OPCML: variants seen among roughly 807,000 people sequenced by gnomAD.
The protein encoded by OPCML is opioid-binding protein/cell adhesion molecule.
OPCML carries 13 observed loss-of-function variants against 37.8 expected under a neutral mutation model. The ratio of observed to expected loss-of-function variants is 0.34; its 90% CI spans 0.22 to 0.55. The LOEUF is 0.55. Among genes scored for constraint, OPCML ranks in the 20% least tolerant of loss-of-function variants. The pLI is 0.91. For missense variants in OPCML, 341 were observed against 435.6 expected (o/e 0.78, Z 1.93); for synonymous variants, 176 against 168.8 (o/e 1.04, Z -0.33).
intron 2 of OPCML, among the ~76,000 whole-genome samples, chr11:132,852,727 T>G (rs1941868449): frequency 6.6e-6 from 1 of 152,144 alleles, no homozygotes; most frequent in African/African-American, 2.4e-5. Flanking sequence ...ATATCTTGAC[T>G]CCTGAGTACA....
intron 1 of OPCML, among the ~76,000 whole-genome samples, chr11:133,354,321 G>GTGATAGTGATGA (rs1240901623): frequency 3.1e-5 from 1 of 32,774 alleles, no homozygotes; most frequent in African/African-American, 1.1e-4. Flanking sequence ...GGTAGTGGTG[G>GTGATAGTGATGA]TGGTGGTGAT....
At chr11:133,148,434 T>A (rs1433079551) in intron 1 of OPCML, among the ~76,000 whole-genome samples, 3 of 152,224 alleles carry the variant, frequency 2.0e-5, no homozygotes, top group Non-Finnish European at 4.4e-5. Context: ...ATGGAAATGA[T>A]GGCTCCAACC....
Position 133,006,578 on chromosome 11 carries a change from T to G in OPCML, c.62-63568A>C, listed in dbSNP as rs139288254. 1.1e-4 allele frequency: 108 copies of G among 985,438 alleles called. 1 individual carries two copies. In the East Asian group the frequency reaches 8.9e-3, roughly 81 times the overall value. 61.0% of individuals were successfully genotyped at this position (985,438 alleles called of 1,614,324 possible). ...CACAAATTTTGCTATAGGGTGCTGTTGAAAGTTGAAAGTCGCTGGCCGAAC... is the reference window on the plus strand; with the variant it reads ...CACAAATTTTGCTATAGGGTGCTGTGGAAAGTTGAAAGTCGCTGGCCGAAC... On this transcript the variant is annotated intron_variant, in intron 1 of 7. Coordinates refer to ENST00000524381, the MANE Select transcript of OPCML (RefSeq NM_001012393.5).
chr11:133,238,649 C>A (rs1017952691), intron 1 of OPCML, among the ~76,000 whole-genome samples: 1 of 152,088 alleles, frequency 6.6e-6, no homozygotes, highest in Non-Finnish European at 1.5e-5. Context: ...GCCTCCCGCC[C>A]TAAGAAGCCT....
intron 1 of OPCML, among the ~76,000 whole-genome samples, chr11:133,425,508 T>C (rs979962508): frequency 7.9e-5 from 12 of 152,332 alleles, no homozygotes; most frequent in Admixed American, 5.2e-4. Context: ...AGCACTGTTA[T>C]TCAAATTGCC....
intron 2 of OPCML, among the ~76,000 whole-genome samples, chr11:132,872,363 T>A (rs182277300): frequency 1.1e-4 from 16 of 152,306 alleles, no homozygotes; most frequent in Non-Finnish European, 1.9e-4. Flanking sequence ...CTGTTGCAGA[T>A]CTGGCGTGCT....
chr11:132,482,642 C>T (rs1448480640), intron 4 of OPCML, among the ~76,000 whole-genome samples: 1 of 152,186 alleles, frequency 6.6e-6, no homozygotes, highest in East Asian at 1.9e-4. Flanking sequence ...GACCAATATC[C>T]TTGATGAACA....
chr11:132,495,869 T>C (rs867001961), intron 4 of OPCML, among the ~76,000 whole-genome samples: 73 of 143,898 alleles, frequency 5.1e-4, no homozygotes, highest in African/African-American at 1.8e-3. Context: ...CACTCCAGCC[T>C]GGGCAACAGA....
At chr11:132,738,963 T>C (rs1341671617) in intron 2 of OPCML, among the ~76,000 whole-genome samples, 3 of 152,052 alleles carry the variant, frequency 2.0e-5, no homozygotes, top group Non-Finnish European at 4.4e-5. Flanking sequence ...TGAAAACAAT[T>C]GAGCAACAGC....
intron 2 of OPCML, among the ~76,000 whole-genome samples, chr11:132,923,512 T>G (rs1451947085): frequency 6.6e-6 from 1 of 152,174 alleles, no homozygotes; most frequent in Admixed American, 6.5e-5. Flanking sequence ...CTGTCATATA[T>G]AGAAAGAGGT....
At position 132,571,588 on chromosome 11, in the gene OPCML, C is replaced by CA. The variant is rs372447546; in HGVS notation, c.380-42403dup. 2.2e-3 allele frequency among the ~76,000 whole-genome samples: 330 copies of CA among 152,268 alleles called. 2 individuals are homozygous for CA. The highest frequency in any genetic ancestry group is 7.5e-3 in the African/African-American group (310 of 41,546). ...AGTCCTCAAGGTCCATCCATCCTGT[C>CA]ACATATTGCAGAGTTTCCTTTTTGT... is the stretch of plus-strand genomic sequence containing the variant. On this transcript the variant is annotated intron_variant, in intron 3 of 7. Coordinates refer to ENST00000524381, the MANE Select transcript of OPCML (RefSeq NM_001012393.5).
At chr11:132,829,561 G>A (rs1318666879) in intron 2 of OPCML, among the ~76,000 whole-genome samples, 2 of 152,252 alleles carry the variant, frequency 1.3e-5, no homozygotes, top group East Asian at 3.9e-4. Flanking sequence ...CATCTCCTGA[G>A]GAAAAGCAAA....
intron 4 of OPCML, among the ~76,000 whole-genome samples, chr11:132,507,071 T>C (rs2096258659): frequency 6.6e-6 from 1 of 151,172 alleles, no homozygotes; most frequent in South Asian, 2.1e-4. Context: ...AATCTTAAAG[T>C]TAGATAAGGT....
At chr11:132,933,592 GAGAA>G (rs1157755475) in intron 2 of OPCML, among the ~76,000 whole-genome samples, 1 of 152,106 alleles carries the variant, frequency 6.6e-6, no homozygotes, top group African/African-American at 2.4e-5. Context: ...GCGTGTGTGT[GAGAA>G]AGAGAGAGAA....
intron 3 of OPCML, among the ~76,000 whole-genome samples, chr11:132,568,554 C>T (rs1329386445): frequency 6.6e-6 from 1 of 152,058 alleles, no homozygotes; most frequent in African/African-American, 2.4e-5. Context: ...GGAAAGAATG[C>T]CGAGTGATGA....
At chr11:132,479,097 T>A (rs1192503015) in intron 4 of OPCML, among the ~76,000 whole-genome samples, 2 of 151,686 alleles carry the variant, frequency 1.3e-5, no homozygotes, top group Non-Finnish European at 2.9e-5. Flanking sequence ...AGAAGACGGG[T>A]GATTTCTGCA....
chr11:133,528,808 C>G (rs1948543502), intron 1 of OPCML, among the ~76,000 whole-genome samples: 1 of 152,150 alleles, frequency 6.6e-6, no homozygotes. Flanking sequence ...TAAATGGGGA[C>G]CCCTCCCAGC....
At chr11:132,829,323 C>T (rs1190069344) in intron 2 of OPCML, among the ~76,000 whole-genome samples, 1 of 152,178 alleles carries the variant, frequency 6.6e-6, no homozygotes, top group Admixed American at 6.5e-5. Flanking sequence ...TAGGAATTAA[C>T]TCATTTAATC....
At chr11:132,987,412 G>T (rs1225950502) in intron 1 of OPCML, among the ~76,000 whole-genome samples, 1 of 152,128 alleles carries the variant, frequency 6.6e-6, no homozygotes, top group Non-Finnish European at 1.5e-5. Context: ...AGTTCCGTGT[G>T]GCTGCAATAT....
Sources: allele counts gnomAD v4.1 joint callset (sites outside exome capture counted in the v4.1 genomes callset), GRCh38; gene constraint gnomAD v4.1.1; transcripts MANE v1.5; gene names NCBI Gene and HGNC (gene_info 2026-07-23, HGNC 2026-07-21).